CLEC12A: variants seen among roughly 807,000 people sequenced by gnomAD.
CLEC12A encodes C-type lectin domain family 12 member A.
In CLEC12A, 22 loss-of-function variants were observed where a neutral mutation model predicts 26.5. That is an observed-to-expected ratio of 0.83 (90% CI 0.59 to 1.19). CLEC12A has a LOEUF of 1.19. Ranked by LOEUF, CLEC12A falls within the 50% of genes most tolerant of loss-of-function variation. The probability of loss-of-function intolerance (pLI) is 0.00; values close to 1 mark genes in which losing one functional copy is unlikely to be tolerated. For synonymous variants in CLEC12A, 119 were observed against 101.9 expected, an observed-to-expected ratio of 1.17 and a Z score of -1.01; for missense variants, 353 against 315.6, an observed-to-expected ratio of 1.12 and a Z score of -0.90.
downstream of CLEC12A, chr12:9,997,209 C>T (rs752032462): frequency 2.6e-5 from 42 of 1,613,954 alleles, no homozygotes; most frequent in South Asian, 4.4e-4. Context: ...GACAGAAGCG[C>T]TTTGCTAATT....
At chr12:10,000,850 G>A in the CLEC12A span, among the ~76,000 whole-genome samples, 5 of 152,256 alleles carry the variant, frequency 3.3e-5, no homozygotes, top group South Asian at 1.0e-3. Flanking sequence ...AGTAACCCCT[G>A]TCTTTCACGT....
At chr12:9,965,591 A>G (rs770689248) in intron 1 of CLEC12A, among the ~76,000 whole-genome samples, 32 of 152,124 alleles carry the variant, frequency 2.1e-4, no homozygotes, top group South Asian at 4.2e-4. Context: ...GTGGAGGGAG[A>G]TATTGAGGAT....
At position 9,981,528 on chromosome 12, in the gene CLEC12A, T is replaced by C. The variant is rs80119928; in HGVS notation, c.532-492T>C. On this transcript the variant is annotated intron_variant, in intron 4 of 5. Coordinates refer to ENST00000304361, the MANE Select transcript of CLEC12A (RefSeq NM_138337.6). ...AAGTGACCCATTCACAGTTACTTAC[T>C]CTAGAAAAAATTTTTAAAGGCTAGA... is the stretch of plus-strand genomic sequence containing the variant. Among the ~76,000 whole-genome samples, 17 of 152,282 alleles carry C rather than the reference T, an allele frequency of 1.1e-4. No individual in the cohort carries two copies. The East Asian group carries it at 1.3e-3, about 12-fold the overall frequency.
At chr12:9,966,227 C>T (rs148040073) in intron 1 of CLEC12A, among the ~76,000 whole-genome samples, 7 of 152,156 alleles carry the variant, frequency 4.6e-5, no homozygotes, top group Admixed American at 6.5e-5. Context: ...GGGTAGCCTC[C>T]GTATTGATTA....
chr12:9,986,424 CCT>C (rs1491269749), downstream of CLEC12A, among the ~76,000 whole-genome samples: 313 of 136,076 alleles, frequency 2.3e-3, no homozygotes, highest in East Asian at 0.014. Flanking sequence ...TCCCCCCCCC[CCT>C]TTTTTTCTAT....
chr12:9,989,048 T>C (rs1299458471), downstream of CLEC12A, among the ~76,000 whole-genome samples: 7 of 151,932 alleles, frequency 4.6e-5, no homozygotes, highest in Non-Finnish European at 8.8e-5. Context: ...AAAGGATGAG[T>C]TCATGTCCTT....
Position 9,985,020 on chromosome 12 carries a change from G to A in CLEC12A, c.792G>A (p.Glu264=). ...AGCTTGGTTCTACATATTTTAGGGAGGCATGAGGCATCAATCAAATACATT... is the reference window on the plus strand; with the variant it reads ...AGCTTGGTTCTACATATTTTAGGGAAGCATGAGGCATCAATCAAATACATT... ...PVQLGSTYFR[E]A is the part of the protein sequence containing the mutation. Residue 264 remains glutamate, a synonymous_variant, in exon 6 of 6, where the codon GAG becomes GAA. Coordinates refer to ENST00000304361, the MANE Select transcript of CLEC12A (RefSeq NM_138337.6). 1 of 1,515,002 alleles carries A rather than the reference G, an allele frequency of 6.6e-7. No individual in the cohort carries two copies. The allele number at this position is 1,515,002 out of a possible 1,614,324, so 93.8% of individuals were successfully genotyped here.
the CLEC12A span, among the ~76,000 whole-genome samples, chr12:10,005,894 G>A: frequency 4.0e-5 from 6 of 151,828 alleles, no homozygotes; most frequent in Non-Finnish European, 7.4e-5. Flanking sequence ...GGAATTAATT[G>A]TCATTCTTGC....
chr12:9,953,524 G>A (rs1307674842), intron 1 of CLEC12A, among the ~76,000 whole-genome samples: 7 of 148,066 alleles, frequency 4.7e-5, no homozygotes, highest in African/African-American at 7.5e-5. Flanking sequence ...CTGCCCGGCC[G>A]CCCCCTACTG....
At chr12:10,002,710 A>G in the CLEC12A span, among the ~76,000 whole-genome samples, 11 of 152,114 alleles carry the variant, frequency 7.2e-5, no homozygotes, top group East Asian at 9.7e-4. Flanking sequence ...CCCAAGTGCT[A>G]GGATTACAGG....
chr12:9,995,076 A>G (rs1865005471), exon 5 of CLEC12A: 2 of 1,602,174 alleles, frequency 1.2e-6, no homozygotes, highest in Non-Finnish European at 1.7e-6. Context: ...GACTGAGAGA[A>G]GAGGGAATCT....
At chr12:9,961,432 C>T (rs1027723619) in intron 1 of CLEC12A, among the ~76,000 whole-genome samples, 5 of 152,170 alleles carry the variant, frequency 3.3e-5, no homozygotes, top group Non-Finnish European at 7.4e-5. Flanking sequence ...TACATTCCTT[C>T]CTCACTATAT....
At chr12:9,955,115 C>T (rs879518461) in intron 1 of CLEC12A, among the ~76,000 whole-genome samples, 8 of 152,150 alleles carry the variant, frequency 5.3e-5, no homozygotes, top group African/African-American at 1.9e-4. Flanking sequence ...AAAACGGAGT[C>T]TCACTCTGTC....
intron 1 of CLEC12A, among the ~76,000 whole-genome samples, chr12:9,977,438 A>G (rs182163891): frequency 6.6e-6 from 1 of 152,362 alleles, no homozygotes; most frequent in African/African-American, 2.4e-5. Context: ...AAAACAAAAG[A>G]AAACAAATAA....
chr12:9,951,296 A>G (rs1027925427), upstream of CLEC12A: 10 of 702,688 alleles, frequency 1.4e-5, no homozygotes, highest in Non-Finnish European at 2.6e-5. Flanking sequence ...GCCAGCCCCA[A>G]CCACATTTCT....
rs150717790 is a variant in CLEC12A, at chr12:9,964,301, G to T, written c.11-7276G>T. Among the ~76,000 whole-genome samples the T allele has an allele frequency of 2.4e-4, 36 of 152,220 alleles. No homozygotes were observed. In the East Asian group the frequency reaches 6.2e-3, roughly 26 times the overall value. ...GGAGGTGTAGGAGACAGGAGATGTT[G>T]CCTAGTCTGCATGTAAGGTGGGGAC... is the stretch of plus-strand genomic sequence containing the variant. On this transcript the variant is annotated intron_variant, in intron 1 of 6. Coordinates refer to the CLEC12A transcript ENST00000355690.
At chr12:10,001,534 C>T in the CLEC12A span, among the ~76,000 whole-genome samples, 1 of 152,170 alleles carries the variant, frequency 6.6e-6, no homozygotes, top group African/African-American at 2.4e-5. Context: ...CCTCACATGA[C>T]TTTGTGGTGT....
downstream of CLEC12A, among the ~76,000 whole-genome samples, chr12:9,987,485 G>A (rs1035306253): frequency 6.6e-6 from 1 of 152,172 alleles, no homozygotes. Context: ...GATTTGTCCT[G>A]ACTAGCGCTC....
upstream of CLEC12A, among the ~76,000 whole-genome samples, chr12:9,966,921 TA>T (rs374062854): frequency 1.3e-4 from 18 of 136,276 alleles, 1 homozygote; most frequent in African/African-American, 4.7e-4. Flanking sequence ...AAAAAGAGCC[TA>T]AACGCTATCT....
Sources: gnomAD v4.1 joint callset for allele counts (sites outside exome capture counted in the v4.1 genomes callset) on GRCh38, gnomAD v4.1.1 for gene constraint, MANE v1.5 for transcripts, NCBI Gene and HGNC (gene_info 2026-07-23, HGNC 2026-07-21) for gene names.